CADPS: variants seen among roughly 807,000 people sequenced by gnomAD.
CADPS encodes calcium dependent secretion activator.
A neutral mutation model predicts 167.3 loss-of-function variants in CADPS; 57 were observed. The ratio of observed to expected loss-of-function variants is 0.34; its 90% CI spans 0.28 to 0.42. CADPS has a LOEUF of 0.42. Ranked by LOEUF, CADPS falls within the 20% of genes least tolerant of loss-of-function variation. The pLI is 1.00. For missense variants in CADPS, 1,414 were observed against 1,738.1 expected, an observed-to-expected ratio of 0.81 and a Z score of 3.32; for synonymous variants, 676 against 635.3, an observed-to-expected ratio of 1.06 and a Z score of -0.96.
At chr3:62,596,163 C>T (rs867690372) in intron 6 of CADPS, among the ~76,000 whole-genome samples, 3 of 149,840 alleles carry the variant, frequency 2.0e-5, no homozygotes, top group African/African-American at 4.9e-5. Context: ...AGTTTTGTCC[C>T]TCTGGAGAAC....
At chr3:62,479,452 G>A (rs536370098) in intron 22 of CADPS, among the ~76,000 whole-genome samples, 7 of 152,298 alleles carry the variant, frequency 4.6e-5, no homozygotes, top group Admixed American at 3.3e-4. Flanking sequence ...TTCTGACATC[G>A]TCTATAGAAA....
At chr3:62,492,091 G>A (rs2063838510) in intron 20 of CADPS, among the ~76,000 whole-genome samples, 199 bp downstream of exon 20, 1 of 152,150 alleles carries the variant, frequency 6.6e-6, no homozygotes, top group African/African-American at 2.4e-5. Flanking sequence ...TTAAGAGAGA[G>A]CGTCCCTAGA....
chr3:62,448,626 G>GGT (rs2057574585), intron 26 of CADPS, among the ~76,000 whole-genome samples: 2 of 151,728 alleles, frequency 1.3e-5, no homozygotes, highest in African/African-American at 4.8e-5. Context: ...TTTTTTGGGG[G>GGT]GGGGTGGTAT....
chr3:62,671,247 T>C (rs2075455870), intron 3 of CADPS, among the ~76,000 whole-genome samples: 1 of 152,108 alleles, frequency 6.6e-6, no homozygotes, highest in Non-Finnish European at 1.5e-5. Context: ...CCAGAGACTA[T>C]GTTTTTTATC....
At chr3:62,531,730 G>C (rs2073740257) in intron 13 of CADPS, among the ~76,000 whole-genome samples, 1 of 152,158 alleles carries the variant, frequency 6.6e-6, no homozygotes, top group South Asian at 2.1e-4. Flanking sequence ...GTTGGTTGGG[G>C]AGCTTTGGGA....
At chr3:62,647,656 A>T (rs1200574560) in intron 5 of CADPS, among the ~76,000 whole-genome samples, 1 of 152,244 alleles carries the variant, frequency 6.6e-6, no homozygotes, top group Non-Finnish European at 1.5e-5. Flanking sequence ...GATGCACATA[A>T]GTGAACATTT....
chr3:62,604,649 TG>T (rs2060444353), intron 6 of CADPS, among the ~76,000 whole-genome samples: 2 of 152,256 alleles, frequency 1.3e-5, no homozygotes, highest in Admixed American at 1.3e-4. Flanking sequence ...ATGTCAGTGT[TG>T]CCTTCTCTGA....
At chr3:62,686,493 C>CT (rs930002004) in intron 3 of CADPS, among the ~76,000 whole-genome samples, 2 of 151,950 alleles carry the variant, frequency 1.3e-5, no homozygotes, top group Non-Finnish European at 2.9e-5. Context: ...AAGTTTTTCT[C>CT]TTTTTTGTCC....
chr3:62,649,341 GA>G (rs1245684370), intron 5 of CADPS, among the ~76,000 whole-genome samples: 1 of 151,992 alleles, frequency 6.6e-6, no homozygotes, highest in Non-Finnish European at 1.5e-5. Context: ...ACCCATTTTA[GA>G]TGCACAATTC....
intron 3 of CADPS, among the ~76,000 whole-genome samples, chr3:62,667,748 A>G (rs1025358392): frequency 6.7e-6 from 1 of 150,086 alleles, no homozygotes; most frequent in Non-Finnish European, 1.5e-5. Flanking sequence ...CACCTAGGCA[A>G]TTTTCCTGTG....
chr3:62,714,519 G>A (rs2084036347), intron 3 of CADPS, among the ~76,000 whole-genome samples: 1 of 152,180 alleles, frequency 6.6e-6, no homozygotes, highest in Admixed American at 6.5e-5. Flanking sequence ...ATGAGGGTGG[G>A]GAGCAGTGTG....
intron 3 of CADPS, among the ~76,000 whole-genome samples, chr3:62,747,269 A>C (rs2081660556): frequency 6.6e-6 from 1 of 152,100 alleles, no homozygotes. Flanking sequence ...ACTCATGCGA[A>C]GAACTATATT....
At chr3:62,661,679 G>T (rs2073241208) in intron 4 of CADPS, among the ~76,000 whole-genome samples, 1 of 152,130 alleles carries the variant, frequency 6.6e-6, no homozygotes, top group Non-Finnish European at 1.5e-5. Context: ...GCAACTGTGT[G>T]CAGGATGGAT....
At chr3:62,403,034 A>G in intron 29 of CADPS, 47 bp downstream of exon 29, 3 of 1,227,892 alleles carry the variant, frequency 2.4e-6, no homozygotes, top group Non-Finnish European at 3.6e-6. Context: ...AGTGAAATAT[A>G]TTTCAGTAAG....
At chr3:62,410,173 A>G (rs1268404553) in intron 28 of CADPS, among the ~76,000 whole-genome samples, 1 of 152,192 alleles carries the variant, frequency 6.6e-6, no homozygotes, top group African/African-American at 2.4e-5. Context: ...ACAAATAACC[A>G]TACCATGCAG....
At chr3:62,816,303 A>G (rs774637291) in intron 1 of CADPS, among the ~76,000 whole-genome samples, 1 of 152,102 alleles carries the variant, frequency 6.6e-6, no homozygotes, top group South Asian at 2.1e-4. Context: ...TCCCCAAGGA[A>G]TTGACTACTT....
At chr3:62,424,518 T>C (rs1302446816) in intron 28 of CADPS, among the ~76,000 whole-genome samples, 1 of 152,136 alleles carries the variant, frequency 6.6e-6, no homozygotes, top group East Asian at 1.9e-4. Flanking sequence ...TGAGACTGGA[T>C]AGTGACACCT....
Position 62,499,014 on chromosome 3 carries a change from T to C in CADPS, c.2706+148A>G, listed in dbSNP as rs944833087. 4 of 540,092 alleles carry C rather than the reference T, an allele frequency of 7.4e-6. 1 individual carries two copies. The highest frequency in any genetic ancestry group is 1.0e-3 in the Middle Eastern group (2 of 1,990). The allele number at this position is 540,092 out of a possible 1,614,324, so 33.5% of individuals were successfully genotyped here. A position where few individuals can be genotyped will look rare whatever the true frequency, so the allele number is the denominator to read the frequency against. Reference sequence around the variant, plus strand: ...GTTAAAATAACCTTCCAAAGACTTCTTGCAAAACTTCCACTTTCATTCCCT... The same window carrying C: ...GTTAAAATAACCTTCCAAAGACTTCCTGCAAAACTTCCACTTTCATTCCCT... On this transcript the variant is annotated intron_variant, in intron 18 of 29. Transcript: ENST00000383710.
intron 28 of CADPS, among the ~76,000 whole-genome samples, chr3:62,423,006 G>A (rs977203237): frequency 6.6e-6 from 1 of 152,172 alleles, no homozygotes; most frequent in South Asian, 2.1e-4. Flanking sequence ...TTATTCTTAT[G>A]GGATAAAAGA....
Sources: allele counts gnomAD v4.1 joint callset (sites outside exome capture counted in the v4.1 genomes callset), GRCh38; gene constraint gnomAD v4.1.1; transcripts MANE v1.5; gene names NCBI Gene and HGNC (gene_info 2026-07-23, HGNC 2026-07-21).